SHROOM3: variants seen among roughly 807,000 people sequenced by gnomAD.
SHROOM3 encodes shroom family member 3, also known as protein Shroom3.
A neutral mutation model predicts 138.6 loss-of-function variants in SHROOM3; 47 were observed. The observed-to-expected ratio is 0.34, with a 90% CI of 0.27 to 0.43. SHROOM3 has a LOEUF of 0.43. Ranked by LOEUF, SHROOM3 falls within the 20% of genes least tolerant of loss-of-function variation. SHROOM3 has a pLI of 1.00. For synonymous variants in SHROOM3, 1,062 were observed against 1,063.3 expected (o/e 1.00, Z 0.02); for missense variants, 2,491 against 2,596.5 (o/e 0.96, Z 0.88).
chr4:76,759,640 A>C lies in SHROOM3; in HGVS notation c.5294A>C (p.Glu1765Ala). The change falls in exon 9 of 11, where the codon GAG becomes GCG. Residue 1765 changes from glutamate to alanine, a missense_variant. This residue lies in a region of SHROOM3 where 470 missense variants were observed against 595.0 expected (regional missense o/e 0.79). Transcript: ENST00000296043. ...PKAELLNKIK[E>A]MPAEVNEEEE... ...GCTGAGCTACTGAACAAAATCAAAG[A>C]GATGCCAGCAGAAGTGAATGAGGAA... 6.2e-7 allele frequency: 1 copy of C among 1,614,230 alleles called. No individual in the cohort carries two copies. Among genetic ancestry groups the C allele is most frequent in the East Asian group, 2.2e-5 (1 of 44,892 alleles).
intron 1 of SHROOM3, among the ~76,000 whole-genome samples, chr4:76,549,648 TG>T (rs1388236349): frequency 3.3e-5 from 5 of 152,186 alleles, no homozygotes; most frequent in Admixed American, 2.0e-4. Flanking sequence ...ATTATAGGTG[TG>T]AGCCACTGCG....
At chr4:76,773,033 G>T (rs141931273) in intron 10 of SHROOM3, among the ~76,000 whole-genome samples, 98 of 152,264 alleles carry the variant, frequency 6.4e-4, no homozygotes, top group Non-Finnish European at 1.2e-3. Context: ...ATTTGCATGT[G>T]GTTTGGTATG....
chr4:76,551,911 G>T (rs1733362591), intron 1 of SHROOM3, among the ~76,000 whole-genome samples: 2 of 151,284 alleles, frequency 1.3e-5, no homozygotes, highest in Non-Finnish European at 2.9e-5. Flanking sequence ...ACCCAGGCTG[G>T]AGTGCAGTGG....
At chr4:76,451,150 A>G (rs1730918366) in intron 1 of SHROOM3, among the ~76,000 whole-genome samples, 2 of 152,136 alleles carry the variant, frequency 1.3e-5, no homozygotes, top group South Asian at 4.1e-4. Flanking sequence ...GGGCTTCGCC[A>G]TGTTGGCCAG....
At chr4:76,686,171 G>A (rs1719329384) in intron 2 of SHROOM3, among the ~76,000 whole-genome samples, 2 of 151,784 alleles carry the variant, frequency 1.3e-5, no homozygotes, top group African/African-American at 2.4e-5. Context: ...ATGCCACCAC[G>A]CCTGGCTAAT....
intron 2 of SHROOM3, among the ~76,000 whole-genome samples, chr4:76,648,121 A>T (rs1735866615): frequency 6.6e-6 from 1 of 152,092 alleles, no homozygotes; most frequent in African/African-American, 2.4e-5. Flanking sequence ...TGAGACCAGG[A>T]GTTCAAGACC....
chr4:76,725,643 T>A (rs1240389051), intron 3 of SHROOM3, among the ~76,000 whole-genome samples: 1 of 152,188 alleles, frequency 6.6e-6, no homozygotes, highest in Admixed American at 6.5e-5. Context: ...CTTCTCCCTC[T>A]TCCAGGTTAG....
chr4:76,685,107 AAT>A (rs998285384), intron 2 of SHROOM3, among the ~76,000 whole-genome samples: 1 of 152,146 alleles, frequency 6.6e-6, no homozygotes, highest in African/African-American at 2.4e-5. Context: ...CGTTCCTCCT[AAT>A]ATTTTCTCTC....
rs200458578 is a variant in SHROOM3 at position 76,739,881 on chromosome 4, T to A, written c.1708T>A (p.Ser570Thr). The A allele has an allele frequency of 6.2e-7, 1 of 1,614,094 alleles. No individual in the cohort carries two copies. Among genetic ancestry groups the A allele is most frequent in the East Asian group, 2.2e-5 (1 of 44,860 alleles). ...CSVPENEEDA[S>T]LKRHLTPPQG... ...AGTGCCTGAAAATGAGGAGGATGCC[T>A]CCCTGAAGAGACATCTCACACCTCC... The change falls in exon 5 of 11, where the codon TCC (serine) becomes ACC (threonine). Residue 570 changes from serine to threonine, a missense_variant. By Grantham distance (58) the Ser-to-Thr change is moderately conservative. Coordinates refer to ENST00000296043, the MANE Select transcript of SHROOM3 (RefSeq NM_020859.4).
At position 76,741,921 on chromosome 4, in the gene SHROOM3, C is replaced by G. The variant is rs746198913; in HGVS notation, c.3748C>G (p.Arg1250Gly). 1.1e-5 allele frequency: 17 copies of G among 1,612,118 alleles called. No homozygotes were observed. The South Asian group carries it at 1.8e-4, about 17-fold the overall frequency. ...SRSSPATADKRQDVLLGQDSG... is the reference protein window; with the variant it reads ...SRSSPATADKGQDVLLGQDSG... ...GTCATCTCCCGCCACCGCAGACAAG[C>G]GCCAGGTACGTGCAACCAGCAAGTC... Residue 1250 changes from arginine (R) to glycine (G), a missense_variant, in exon 5 of 11, where the codon CGC (arginine) becomes GGC (glycine). Physicochemically the swap from Arg to Gly is moderately radical, Grantham distance 125. This residue lies in a region of SHROOM3 where 1,733 missense variants were observed against 1,661.6 expected (regional missense o/e 1.04). Coordinates refer to ENST00000296043, the MANE Select transcript of SHROOM3 (RefSeq NM_020859.4). The surrounding 1 kb of genome is among the most constrained non-coding windows in gnomAD (Gnocchi z 6.2).
chr4:76,551,890 C>T (rs1428811396), intron 1 of SHROOM3, among the ~76,000 whole-genome samples: 1 of 151,394 alleles, frequency 6.6e-6, no homozygotes, highest in Non-Finnish European at 1.5e-5. Context: ...GAGACAGAGT[C>T]TCGCTCTGTC....
chr4:76,446,298 A>G (rs1270674604), intron 1 of SHROOM3, among the ~76,000 whole-genome samples: 2 of 149,162 alleles, frequency 1.3e-5, no homozygotes, highest in Non-Finnish European at 3.0e-5. Flanking sequence ...CCTTCCATCT[A>G]TGTTACCCCA....
Position 76,756,863 on chromosome 4 carries a change from C to G in SHROOM3, c.5124C>G (p.Asn1708Lys). The change falls in exon 8 of 11, where the codon AAC becomes AAG. Residue 1708 changes from asparagine (N) to lysine (K), a missense_variant. By Grantham distance (94) the Asn-to-Lys change is moderately conservative. This residue lies in a region of SHROOM3 where 470 missense variants were observed against 595.0 expected (regional missense o/e 0.79). Coordinates refer to ENST00000296043, the MANE Select transcript of SHROOM3 (RefSeq NM_020859.4). ...LMEGLFPRDV[N>K]LLKENSVKRK... ...AAGGTTTGTTTCCCCGAGATGTGAA[C>G]TTGCTGAAGGAAAACAGTGTAAAGA... The G allele has an allele frequency of 6.2e-7, 1 of 1,614,116 alleles. No homozygotes were observed. The highest frequency in any genetic ancestry group is 8.5e-7 in the Non-Finnish European group (1 of 1,180,030).
At chr4:76,707,632 A>AGTTCAATGTACAGGTAAGGT (rs1165921568) in intron 2 of SHROOM3, among the ~76,000 whole-genome samples, 2 of 152,136 alleles carry the variant, frequency 1.3e-5, no homozygotes, top group Non-Finnish European at 2.9e-5. Context: ...AGACAGCATG[A>AGTTCAATGTACAGGTAAGGT]GTTCAATGTA....
At chr4:76,554,002 G>A (rs1178672323) in intron 1 of SHROOM3, among the ~76,000 whole-genome samples, 24 of 152,136 alleles carry the variant, frequency 1.6e-4, no homozygotes, top group Admixed American at 1.6e-3. Flanking sequence ...GTTCACTCTT[G>A]GTGCTGTACA....
chr4:76,687,750 G>A (rs1466606693), intron 2 of SHROOM3, among the ~76,000 whole-genome samples: 2 of 152,150 alleles, frequency 1.3e-5, no homozygotes, highest in Non-Finnish European at 2.9e-5. Flanking sequence ...GAATTTCACT[G>A]GTGTAACATC....
chr4:76,742,040 T>C (rs1721276717), intron 5 of SHROOM3, 114 bp downstream of exon 5: 6 of 1,367,002 alleles, frequency 4.4e-6, no homozygotes, highest in Non-Finnish European at 6.1e-6. Context: ...GTTTTCCTTG[T>C]GATTACAGAA....
At chr4:76,620,626 G>A (rs1410332056) in intron 2 of SHROOM3, among the ~76,000 whole-genome samples, 1 of 152,166 alleles carries the variant, frequency 6.6e-6, no homozygotes, top group South Asian at 2.1e-4. Flanking sequence ...TGGCAATTGA[G>A]GTGGAGCCGT....
intron 2 of SHROOM3, among the ~76,000 whole-genome samples, chr4:76,611,919 G>A (rs1205478980): frequency 6.6e-6 from 1 of 152,178 alleles, no homozygotes; most frequent in African/African-American, 2.4e-5. Flanking sequence ...TTCAACACAG[G>A]CTGAATCAGT....
Sources: gnomAD v4.1 joint callset for allele counts (sites outside exome capture counted in the v4.1 genomes callset) on GRCh38, gnomAD v4.1.1 for gene constraint, gnomAD v4.1.1 regional missense constraint, Gnocchi (gnomAD v3.1) non-coding constraint, MANE v1.5 for transcripts, NCBI Gene and HGNC (gene_info 2026-07-23, HGNC 2026-07-21) for gene names.